ZDHHC4: variants seen among roughly 807,000 people sequenced by gnomAD.
The protein encoded by ZDHHC4 is palmitoyltransferase ZDHHC4.
A neutral mutation model predicts 36.7 loss-of-function variants in ZDHHC4; 42 were observed. The ratio of observed to expected loss-of-function variants is 1.14; its 90% CI spans 0.89 to 1.48. The LOEUF is 1.48. Among genes scored for constraint, ZDHHC4 ranks in the 40% most tolerant of loss-of-function variants. ZDHHC4 has a pLI of 0.00. For missense variants in ZDHHC4, 457 were observed against 421.5 expected, an observed-to-expected ratio of 1.08 and a Z score of -0.74; for synonymous variants, 189 against 166.6, an observed-to-expected ratio of 1.13 and a Z score of -1.03.
Position 6,582,056 on chromosome 7 carries a change from T to C in ZDHHC4, c.192-17T>C. 6.2e-7 allele frequency: 1 copy of C among 1,608,102 alleles called. No homozygotes were observed. Among genetic ancestry groups the C allele is most frequent in the Non-Finnish European group, 8.5e-7 (1 of 1,176,056 alleles). On this transcript the variant is annotated splice_polypyrimidine_tract_variant and intron_variant, in intron 4 of 7. Transcript: ENST00000335965. ...AGAAGAAACCCCCATGAACAAGCCA[T>C]GCCTGTTTTCTTTCAGAAACCACAC...
At chr7:6,581,706 T>A in intron 4 of ZDHHC4, 26 bp downstream of exon 4, 1 of 1,518,214 alleles carries the variant, frequency 6.6e-7, no homozygotes, top group Non-Finnish European at 9.1e-7. Context: ...AGTTTAAATA[T>A]TCTCCTCTTT....
chr7:6,588,790 C>T lies in ZDHHC4; in HGVS notation c.915C>T (p.Ala305=), dbSNP rs1562547933. 1.2e-6 allele frequency: 2 copies of T among 1,614,108 alleles called. No homozygotes were observed. Among genetic ancestry groups the T allele is most frequent in the Non-Finnish European group, 8.5e-7 (1 of 1,180,040 alleles). The change falls in exon 8 of 8, where the codon GCC becomes GCT. Residue 305 remains alanine, a synonymous_variant. Transcript: ENST00000335965. ...WAWCQRCPLV[A]WPPSAEPQVH... ...GGTGCCAGCGTTGTCCCCTTGTGGC[C>T]TGGCCTCCGTCAGCAGAGCCCCAAG...
In ZDHHC4 at chr7:6,588,736, TAAC is replaced by T. The variant is rs1412014132; in HGVS notation, c.862_864del (p.Asn288del). The T allele has an allele frequency of 1.9e-6, 3 of 1,614,116 alleles. No homozygotes were observed. Among genetic ancestry groups the T allele is most frequent in the Non-Finnish European group, 2.5e-6 (3 of 1,180,042 alleles). On this transcript the variant is annotated inframe_deletion, in exon 8 of 8. Transcript: ENST00000335965. ...ATCTGGCGGCCACCAACCAGACTAC[TAAC>T]GAGTGGTACAGAGGTGACTGGGCCT... is the stretch of plus-strand genomic sequence containing the variant.
At position 6,588,655 on chromosome 7, in the gene ZDHHC4, G is replaced by A; in HGVS notation, c.780G>A (p.Leu260=). 2.5e-6 allele frequency: 4 copies of A among 1,614,180 alleles called. No individual in the cohort carries two copies. The highest frequency in any genetic ancestry group is 2.5e-6 in the Non-Finnish European group (3 of 1,180,048). ...FLTFPRIVFM[L]GFVVVLSFLL... Reference sequence around the variant, plus strand: ...CTTTTCCACGGATTGTCTTCATGCTGGGCTTTGTCGTGGTTCTGAGCTTCC... The same window carrying A: ...CTTTTCCACGGATTGTCTTCATGCTAGGCTTTGTCGTGGTTCTGAGCTTCC... The change falls in exon 8 of 8, where the codon CTG becomes CTA. Residue 260 remains leucine, a synonymous_variant. Transcript: ENST00000335965.
At position 6,583,379 on chromosome 7, in the gene ZDHHC4, C is replaced by T. The variant is rs746167960; in HGVS notation, c.444C>T (p.Asn148=). The T allele has an allele frequency of 1.4e-5, 22 of 1,613,784 alleles. 1 individual carries two copies. The highest frequency in any genetic ancestry group is 1.3e-4 in the South Asian group (12 of 91,018). The part of the protein sequence containing the change: ...YEFDEVMFPK[N]VRCSTCDLRK... ...TTGATGAAGTGATGTTTCCAAAGAA[C>T]GTGAGGTGCTCTACTTGTGATTTAA... is the stretch of plus-strand genomic sequence containing the variant. Residue 148 remains asparagine, a synonymous_variant, in exon 6 of 8, where the codon AAC becomes AAT. Transcript: ENST00000335965.
intron 3 of ZDHHC4, chr7:6,581,144 G>A (rs1156490477): frequency 1.6e-5 from 3 of 191,336 alleles, no homozygotes; most frequent in Non-Finnish European, 2.8e-5. Context: ...GGTGACTCTG[G>A]GGGCCAGCAG....
At chr7:6,586,622 T>C (rs1781263716) in intron 7 of ZDHHC4, among the ~76,000 whole-genome samples, 1 of 152,158 alleles carries the variant, frequency 6.6e-6, no homozygotes, top group African/African-American at 2.4e-5. Context: ...ATTACAGGCA[T>C]GAGCCACCAC....
intron 2 of ZDHHC4, among the ~76,000 whole-genome samples, 194 bp downstream of exon 2, chr7:6,578,914 C>T (rs1191756651): frequency 1.3e-5 from 2 of 152,094 alleles, no homozygotes; most frequent in Non-Finnish European, 2.9e-5. Flanking sequence ...CATGCTGTCG[C>T]CCAGGCTTGA....
chr7:6,585,329 A>T, intron 7 of ZDHHC4, 69 bp downstream of exon 7: 1 of 1,570,930 alleles, frequency 6.4e-7, no homozygotes, highest in South Asian at 1.2e-5. Flanking sequence ...TTTCCAGTAA[A>T]AGCATGAAGT....
intron 2 of ZDHHC4, 96 bp from the exon 3 acceptor site, chr7:6,580,459 G>A: frequency 2.0e-6 from 2 of 995,276 alleles, no homozygotes; most frequent in Admixed American, 1.8e-5. Flanking sequence ...GATGAATTCT[G>A]TTTTGGTAGC....
chr7:6,588,741 A>G lies in ZDHHC4; in HGVS notation c.866A>G (p.Glu289Gly). ...GCGGCCACCAACCAGACTACTAACG[A>G]GTGGTACAGAGGTGACTGGGCCTGG... ...YLAATNQTTN[E>G]WYRGDWAWCQ... is the part of the protein sequence containing the mutation. The change falls in exon 8 of 8, where the codon GAG becomes GGG. Residue 289 changes from glutamate to glycine, a missense_variant. Glu to Gly is a moderately conservative substitution (Grantham distance 98, BLOSUM62 -2). Transcript: ENST00000335965. 1.2e-6 allele frequency: 2 copies of G among 1,614,108 alleles called. No homozygotes were observed. The highest frequency in any genetic ancestry group is 1.7e-6 in the Non-Finnish European group (2 of 1,180,026).
At position 6,585,155 on chromosome 7, in the gene ZDHHC4, CA is replaced by C. The variant is rs750572971; in HGVS notation, c.637del (p.Thr213ProfsTer9). 9.2e-5 allele frequency: 148 copies of C among 1,614,170 alleles called. No individual in the cohort carries two copies. In the East Asian group the frequency reaches 3.3e-3, roughly 35 times the overall value. ...CGGCTGCCACCGTCGCCATTGTGAG[CA>C]CCACTTTTCTGGTCCACTTGGTGGT... Reference protein sequence around the residue: ...ASAATVAIVSTTFLVHLVVMS... With the variant: ...ASAATVAIVSXTFLVHLVVMS... On this transcript the variant is annotated frameshift_variant, in exon 7 of 8. Coordinates refer to ENST00000335965, the MANE Select transcript of ZDHHC4 (RefSeq NM_001134389.2). LOFTEE classifies it high-confidence loss of function.
intron 6 of ZDHHC4, chr7:6,584,212 CT>C (rs1457341370): frequency 2.0e-5 from 3 of 152,100 alleles, no homozygotes; most frequent in Admixed American, 1.3e-4. Context: ...AGTTTATATT[CT>C]TTTTTTCATA....
rs540785808 is a variant in ZDHHC4 at position 6,582,936 on chromosome 7, CTAGG to C, written c.371-368_371-365del. On this transcript the variant is annotated intron_variant, in intron 5 of 7. Coordinates refer to ENST00000335965, the MANE Select transcript of ZDHHC4 (RefSeq NM_001134389.2). ...CACAATCTCAGCCTGTTTGGGAGGT[CTAGG>C]TGGGAGGATCACCTGAGGTCCGGAG... Among the ~76,000 whole-genome samples the C allele has an allele frequency of 5.2e-3, 793 of 152,220 alleles. 5 individuals carry two copies. The highest frequency in any genetic ancestry group is 0.017 in the African/African-American group (695 of 41,528).
At chr7:6,586,588 G>C (rs1434510972) in intron 7 of ZDHHC4, among the ~76,000 whole-genome samples, 3 of 152,154 alleles carry the variant, frequency 2.0e-5, no homozygotes, top group African/African-American at 7.2e-5. Context: ...CAATTCTCCT[G>C]CCTCAGTCTC....
At chr7:6,586,474 T>C (rs1781253778) in intron 7 of ZDHHC4, among the ~76,000 whole-genome samples, 1 of 152,188 alleles carries the variant, frequency 6.6e-6, no homozygotes, top group African/African-American at 2.4e-5. Context: ...CGAATCTACT[T>C]CATTCCTTTT....
chr7:6,588,537 A>G (rs1046434667), intron 7 of ZDHHC4, 80 bp from the exon 8 acceptor site: 2 of 1,475,908 alleles, frequency 1.4e-6, no homozygotes, highest in Admixed American at 3.7e-5. Flanking sequence ...TGGCTGTGGC[A>G]GGCCCAGGGT....
chr7:6,589,242 A>T lies in ZDHHC4; in HGVS notation c.*332A>T, dbSNP rs1246173660. ...GTCTCTGACCTGTGTGATGTGCAGG[A>T]GGGTCTCATTGACTCAGCGCCTGCG... On this transcript the variant is annotated 3_prime_UTR_variant, in exon 8 of 8. Transcript: ENST00000335965. 3.3e-6 allele frequency: 1 copy of T among 301,068 alleles called. No homozygotes were observed. The highest frequency in any genetic ancestry group is 4.4e-5 in the Admixed American group (1 of 22,778). 18.6% of individuals were successfully genotyped at this position (301,068 alleles called of 1,614,324 possible).
At chr7:6,580,842 G>A in intron 3 of ZDHHC4, 164 bp downstream of exon 3, 3 of 653,794 alleles carry the variant, frequency 4.6e-6, no homozygotes, top group Non-Finnish European at 7.9e-6. Flanking sequence ...CCTTGAGCCA[G>A]GAGTCTGAAG....
Sources: gnomAD v4.1 joint callset for allele counts (sites outside exome capture counted in the v4.1 genomes callset) on GRCh38, gnomAD v4.1.1 for gene constraint, MANE v1.5 for transcripts, NCBI Gene and HGNC (gene_info 2026-07-23, HGNC 2026-07-21) for gene names.